Variants in AKAP13 observed in about 807,000 individuals in gnomAD.
AKAP13 encodes the protein A-kinase anchoring protein 13.
AKAP13 carries 80 observed loss-of-function variants against 264.5 expected under a neutral mutation model. That is an observed-to-expected ratio of 0.30 (90% CI 0.25 to 0.36). The LOEUF is 0.36. Among genes scored for constraint, AKAP13 ranks in the 10% least tolerant of loss-of-function variants. The pLI is 1.00. For missense variants in AKAP13, 3,712 were observed against 3,435.2 expected (o/e 1.08, Z -2.01); for synonymous variants, 1,380 against 1,250.2 (o/e 1.10, Z -2.19).
At position 85,722,106 on chromosome 15, in the gene AKAP13, C is replaced by T. The variant is rs767184968; in HGVS notation, c.6368C>T (p.Ala2123Val). 6.2e-6 allele frequency: 10 copies of T among 1,613,990 alleles called. No homozygotes were observed. Among genetic ancestry groups the T allele is most frequent in the Middle Eastern group, 1.6e-4 (1 of 6,062 alleles). Residue 2123 changes from alanine to valine, a missense_variant, in exon 24 of 37, where the codon GCC becomes GTC. Around this residue, in one of 3 missense-constraint regions of AKAP13, gnomAD observed 342 missense variants for 484.3 expected, o/e 0.71. Transcript: ENST00000394518. ...TATGCCAAGGATAAGCGTTTTCAAG[C>T]CTTTGTAAAGGTATTGATAAGAAAC... ...DLYAKDKRFQ[A>V]FVKKKMSSSV...
chr15:85,541,097 T>C (rs1034867395), intron 4 of AKAP13, among the ~76,000 whole-genome samples: 1 of 152,238 alleles, frequency 6.6e-6, no homozygotes, highest in Non-Finnish European at 1.5e-5. Context: ...TTTCTATATG[T>C]TGGTACAGAT....
At position 85,533,952 on chromosome 15, in the gene AKAP13, T is replaced by C. The variant is rs776394089; in HGVS notation, c.478+72T>C. 2.1e-6 allele frequency: 3 copies of C among 1,439,290 alleles called. No individual in the cohort carries two copies. The Admixed American group carries it at 7.7e-5, about 37-fold the overall frequency. 89.2% of individuals were successfully genotyped at this position (1,439,290 alleles called of 1,614,324 possible). A position where few individuals can be genotyped will look rare whatever the true frequency, so the allele number is the denominator to read the frequency against. On this transcript the variant is annotated intron_variant, in intron 4 of 36. Transcript: ENST00000394518. ...TCTACTTTTTTTTTAATGGGGCTAC[T>C]TTTCTATGGTCATCATATTCAGGTC...
At chr15:85,508,672 C>T (rs908402343) in intron 2 of AKAP13, among the ~76,000 whole-genome samples, 11 of 151,614 alleles carry the variant, frequency 7.3e-5, no homozygotes, top group African/African-American at 2.7e-4. Flanking sequence ...CTTTTCAAAA[C>T]CCTCCAATGG....
At chr15:85,486,115 C>T (rs2075533338) in intron 2 of AKAP13, among the ~76,000 whole-genome samples, 1 of 152,174 alleles carries the variant, frequency 6.6e-6, no homozygotes, top group South Asian at 2.1e-4. Flanking sequence ...TGTGATTTAC[C>T]TTATGTTGCC....
intron 16 of AKAP13, among the ~76,000 whole-genome samples, chr15:85,691,284 T>C (rs1423049171): frequency 9.2e-5 from 14 of 152,228 alleles, no homozygotes; most frequent in Non-Finnish European, 2.1e-4. Context: ...AATTATTTCA[T>C]TGATACTGAT....
At chr15:85,587,802 A>G (rs368479544) in intron 8 of AKAP13, among the ~76,000 whole-genome samples, 1 of 152,004 alleles carries the variant, frequency 6.6e-6, no homozygotes, top group African/African-American at 2.4e-5. Flanking sequence ...ACTCGTCACC[A>G]CGCCCGGCTA....
chr15:85,593,359 G>C (rs1158486170), intron 8 of AKAP13, among the ~76,000 whole-genome samples: 2 of 151,676 alleles, frequency 1.3e-5, no homozygotes, highest in East Asian at 3.9e-4. Flanking sequence ...AAACAAAACT[G>C]AGGATATCTT....
At chr15:85,457,536 G>A (rs2074326167) in intron 1 of AKAP13, among the ~76,000 whole-genome samples, 1 of 152,178 alleles carries the variant, frequency 6.6e-6, no homozygotes, top group African/African-American at 2.4e-5. Flanking sequence ...GCCTAGCTCA[G>A]CACCCTTGGC....
chr15:85,661,408 G>A (rs957003380), intron 12 of AKAP13, among the ~76,000 whole-genome samples: 1 of 152,134 alleles, frequency 6.6e-6, no homozygotes, highest in Non-Finnish European at 1.5e-5. Flanking sequence ...CAGTGCCATA[G>A]AATTCCTTTT....
chr15:85,602,396 G>T (rs1301842344), intron 8 of AKAP13, among the ~76,000 whole-genome samples: 5 of 152,014 alleles, frequency 3.3e-5, no homozygotes, highest in African/African-American at 1.2e-4. Context: ...GGCTGGTCTT[G>T]AACTCCTGAT....
At chr15:85,561,016 A>G (rs576076865) in intron 5 of AKAP13, among the ~76,000 whole-genome samples, 4 of 147,632 alleles carry the variant, frequency 2.7e-5, no homozygotes, top group Middle Eastern at 3.5e-3. Context: ...AGAGATTTTG[A>G]TTTGATAGAT....
At chr15:85,682,787 C>T (rs1394688247) in intron 15 of AKAP13, among the ~76,000 whole-genome samples, 1 of 152,166 alleles carries the variant, frequency 6.6e-6, no homozygotes, top group Non-Finnish European at 1.5e-5. Context: ...CCTGCCTCAG[C>T]CTCCTGAGTG....
chr15:85,417,824 G>T (rs1472478515), intron 1 of AKAP13, among the ~76,000 whole-genome samples: 2 of 152,198 alleles, frequency 1.3e-5, no homozygotes, highest in African/African-American at 4.8e-5. Context: ...AACCAAGGAA[G>T]TTATTAGTAC....
intron 2 of AKAP13, among the ~76,000 whole-genome samples, chr15:85,500,594 C>T (rs2076013358): frequency 6.6e-6 from 1 of 152,100 alleles, no homozygotes; most frequent in African/African-American, 2.4e-5. Context: ...TTACATTTTT[C>T]TGGAGGATAC....
rs567448119 is a variant in AKAP13, at chr15:85,394,410, C to T, written c.-12+13612C>T. Among the ~76,000 whole-genome samples, 140 of 152,210 alleles carry T rather than the reference C, an allele frequency of 9.2e-4. 2 individuals carry two copies. Among genetic ancestry groups the T allele is most frequent in the African/African-American group, 3.2e-3 (134 of 41,536 alleles). On this transcript the variant is annotated intron_variant, in intron 1 of 36. Coordinates refer to ENST00000394518, the MANE Select transcript of AKAP13 (RefSeq NM_007200.5). ...TAATGCAACTTTCTCTTCCGTAGTC[C>T]CTTAAATGTGAATTGTCCTTGATTC...
intron 5 of AKAP13, among the ~76,000 whole-genome samples, chr15:85,549,026 T>C (rs1342737652): frequency 6.6e-6 from 1 of 151,774 alleles, no homozygotes; most frequent in Non-Finnish European, 1.5e-5. Context: ...GTTACCCCCA[T>C]TTCCCTTTCT....
At chr15:85,665,407 A>G (rs2083537326) in intron 13 of AKAP13, among the ~76,000 whole-genome samples, 1 of 152,156 alleles carries the variant, frequency 6.6e-6, no homozygotes. Flanking sequence ...CAATTCTCTA[A>G]AACATATCCC....
At chr15:85,463,623 T>C (rs1343480627) in intron 1 of AKAP13, among the ~76,000 whole-genome samples, 2 of 152,188 alleles carry the variant, frequency 1.3e-5, no homozygotes, top group Non-Finnish European at 2.9e-5. Flanking sequence ...GTGTGCTGCT[T>C]TTCCCTCTGC....
intron 14 of AKAP13, among the ~76,000 whole-genome samples, chr15:85,675,565 G>A (rs1378406624): frequency 6.6e-6 from 1 of 152,190 alleles, no homozygotes; most frequent in South Asian, 2.1e-4. Flanking sequence ...ATGGTAGGAG[G>A]GGGGTGAACT....
Sources: gnomAD v4.1 joint callset for allele counts (sites outside exome capture counted in the v4.1 genomes callset) on GRCh38, gnomAD v4.1.1 for gene constraint, gnomAD v4.1.1 regional missense constraint, MANE v1.5 for transcripts, NCBI Gene and HGNC (gene_info 2026-07-23, HGNC 2026-07-21) for gene names.